FBXL17: variants seen among roughly 807,000 people sequenced by gnomAD.
FBXL17 encodes the protein F-box and leucine rich repeat protein 17, also known as F-box/LRR-repeat protein 17.
Under a neutral mutation model 66.2 loss-of-function variants are expected in FBXL17, and 22 were observed. The ratio of observed to expected loss-of-function variants is 0.33; its 90% confidence interval spans 0.24 to 0.47. FBXL17 has a LOEUF of 0.47. Among genes scored for constraint, FBXL17 ranks in the 20% least tolerant of loss-of-function variants. The pLI is 1.00. For synonymous variants in FBXL17, 474 were observed against 400.5 expected, an observed-to-expected ratio of 1.18 and a Z score of -2.19; for missense variants, 878 against 948.2, an observed-to-expected ratio of 0.93 and a Z score of 0.97.
chr5:108,329,867 G>A (rs1306765370), intron 4 of FBXL17, among the ~76,000 whole-genome samples: 2 of 152,044 alleles, frequency 1.3e-5, no homozygotes, highest in African/African-American at 2.4e-5. Flanking sequence ...CAGTGGCTTT[G>A]ATACCAGGTG....
intron 6 of FBXL17, among the ~76,000 whole-genome samples, chr5:108,177,102 A>C (rs902047381): frequency 6.6e-6 from 1 of 152,196 alleles, no homozygotes; most frequent in African/African-American, 2.4e-5. Context: ...ACAACCTACA[A>C]GGAAGCATTT....
intron 6 of FBXL17, among the ~76,000 whole-genome samples, chr5:108,062,857 A>C (rs528973453): frequency 5.3e-5 from 8 of 152,202 alleles, no homozygotes; most frequent in African/African-American, 1.9e-4. Flanking sequence ...CAAAGCAGAG[A>C]GCTTTCCTTT....
At position 107,994,698 on chromosome 5, in the gene FBXL17, C is replaced by T. The variant is rs553923302; in HGVS notation, c.1822+26227G>A. 2.6e-5 allele frequency among the ~76,000 whole-genome samples: 4 copies of T among 151,970 alleles called. No individual in the cohort carries two copies. In the East Asian group the frequency reaches 5.8e-4, roughly 22 times the overall value. On this transcript the variant is annotated intron_variant, in intron 7 of 8. Coordinates refer to ENST00000542267, the MANE Select transcript of FBXL17 (RefSeq NM_001163315.3). ...ACCAAAAATACAAAACTTAGCCAGG[C>T]GCGGTGGCAGGTGCCTATAATCCCA...
intron 6 of FBXL17, among the ~76,000 whole-genome samples, chr5:108,159,836 G>A (rs376384287): frequency 2.0e-5 from 3 of 151,770 alleles, no homozygotes; most frequent in East Asian, 1.9e-4. Flanking sequence ...TGTCTTTTAC[G>A]AGCCAAAATC....
rs142809932 is a variant in FBXL17 at position 108,025,704 on chromosome 5, AACAC to A, written c.1746-4707_1746-4704del. ...ATACACACACACACACACACACACAAACACACACACACACGCGCGCGCGCACACA... is the reference window on the plus strand; with the variant it reads ...ATACACACACACACACACACACACAAACACACACACGCGCGCGCGCACACA... On this transcript the variant is annotated intron_variant, in intron 6 of 8. Transcript: ENST00000542267. Among the ~76,000 whole-genome samples the A allele has an allele frequency of 1.7e-3, 213 of 123,448 alleles. 1 individual carries two copies. Among genetic ancestry groups the A allele is most frequent in the African/African-American group, 8.5e-3 (184 of 21,618 alleles). 81.0% of individuals were successfully genotyped at this position (123,448 alleles called of 152,430 possible).
chr5:108,039,806 T>G (rs1746979499), intron 6 of FBXL17, among the ~76,000 whole-genome samples: 1 of 152,024 alleles, frequency 6.6e-6, no homozygotes, highest in Admixed American at 6.6e-5. Flanking sequence ...TAGGTTTAAT[T>G]TAATATAGTC....
intron 7 of FBXL17, among the ~76,000 whole-genome samples, chr5:108,009,971 C>T (rs1754114120): frequency 6.6e-6 from 1 of 152,130 alleles, no homozygotes; most frequent in Non-Finnish European, 1.5e-5. Flanking sequence ...AGGAAATCTA[C>T]CGGTTTTCTA....
At chr5:108,052,615 A>G (rs972391558) in intron 6 of FBXL17, among the ~76,000 whole-genome samples, 1 of 152,228 alleles carries the variant, frequency 6.6e-6, no homozygotes, top group African/African-American at 2.4e-5. Flanking sequence ...TGAAGTGGCC[A>G]TACTGCCCAA....
At chr5:108,251,496 G>T (rs1022869214) in intron 4 of FBXL17, among the ~76,000 whole-genome samples, 2 of 151,992 alleles carry the variant, frequency 1.3e-5, no homozygotes, top group African/African-American at 4.8e-5. Flanking sequence ...TCAAGTAACA[G>T]TTTAATAGAA....
chr5:108,138,944 T>G (rs1751248645), intron 6 of FBXL17, among the ~76,000 whole-genome samples: 1 of 152,220 alleles, frequency 6.6e-6, no homozygotes, highest in South Asian at 2.1e-4. Flanking sequence ...GGGTAAGAAT[T>G]GCCTCAGATT....
intron 7 of FBXL17, among the ~76,000 whole-genome samples, chr5:107,890,208 G>C (rs1749150985): frequency 1.3e-5 from 2 of 152,116 alleles, no homozygotes; most frequent in Admixed American, 6.5e-5. Flanking sequence ...CACTTTATGA[G>C]AAGTGAATTC....
At chr5:108,366,717 C>T (rs1344086267) in intron 2 of FBXL17, among the ~76,000 whole-genome samples, 1 of 151,928 alleles carries the variant, frequency 6.6e-6, no homozygotes, top group South Asian at 2.1e-4. Context: ...AACTCCCTCA[C>T]CATTCTCCTT....
chr5:108,341,796 T>G (rs972247636), intron 4 of FBXL17, among the ~76,000 whole-genome samples: 1 of 152,150 alleles, frequency 6.6e-6, no homozygotes, highest in African/African-American at 2.4e-5. Context: ...GCATTCCCCA[T>G]ATTTTTCTGA....
intron 6 of FBXL17, among the ~76,000 whole-genome samples, chr5:108,088,680 G>A (rs552190872): frequency 1.8e-5 from 2 of 111,976 alleles, no homozygotes; most frequent in South Asian, 3.0e-4. Flanking sequence ...CAGCCTGGCC[G>A]ACAGAGCGAG....
At chr5:107,940,844 T>C (rs951589859) in intron 7 of FBXL17, among the ~76,000 whole-genome samples, 1 of 152,138 alleles carries the variant, frequency 6.6e-6, no homozygotes, top group Middle Eastern at 3.2e-3. Context: ...AAAGAAATAC[T>C]GGGGGCCTGA....
chr5:107,861,941 C>T, intron 8 of FBXL17, 81 bp from the exon 9 acceptor site: 1 of 1,355,100 alleles, frequency 7.4e-7, no homozygotes, highest in Non-Finnish European at 9.6e-7. Flanking sequence ...TGTGCTGCAG[C>T]TGGCTCACTG....
At chr5:108,179,586 G>C (rs950067699) in intron 6 of FBXL17, among the ~76,000 whole-genome samples, 1 of 152,112 alleles carries the variant, frequency 6.6e-6, no homozygotes. Context: ...TGGAGTTTGA[G>C]GGACTTTAAT....
At chr5:107,917,081 A>G (rs975942947) in intron 7 of FBXL17, among the ~76,000 whole-genome samples, 1 of 152,206 alleles carries the variant, frequency 6.6e-6, no homozygotes, top group Admixed American at 6.5e-5. Context: ...GTAAACCTTG[A>G]ATATCTTTTA....
chr5:108,303,524 G>C (rs1429805229), intron 4 of FBXL17, among the ~76,000 whole-genome samples: 1 of 151,804 alleles, frequency 6.6e-6, no homozygotes, highest in African/African-American at 2.4e-5. Flanking sequence ...GAATTTAAAA[G>C]GGATGACTTT....
Sources: gnomAD v4.1 joint callset for allele counts (sites outside exome capture counted in the v4.1 genomes callset) on GRCh38, gnomAD v4.1.1 for gene constraint, MANE v1.5 for transcripts, NCBI Gene and HGNC (gene_info 2026-07-23, HGNC 2026-07-21) for gene names.